The following ZNF540 variants were observed in gnomAD, a reference collection of about 807,000 sequenced individuals.
ZNF540 encodes CTD-3064H18.6.
ZNF540 carries 3 observed loss-of-function variants against 11.8 expected under a neutral mutation model. The observed-to-expected ratio is 0.25, with a 90% CI of 0.12 to 0.65. The LOEUF (loss-of-function observed/expected upper bound fraction) is 0.65. Ranked by LOEUF, ZNF540 falls within the 30% of genes least tolerant of loss-of-function variation. ZNF540 has a pLI of 0.83. For missense variants in ZNF540, 709 were observed against 793.1 expected, an observed-to-expected ratio of 0.89 and a Z score of 1.27; for synonymous variants, 247 against 259.0, an observed-to-expected ratio of 0.95 and a Z score of 0.45.
At chr19:37,565,698 C>T in intron 1 of ZNF540, 2 of 1,613,798 alleles carry the variant, frequency 1.2e-6, no homozygotes, top group Non-Finnish European at 1.7e-6. Flanking sequence ...CCTGTATGAA[C>T]TCTCTGATGT....
intron 1 of ZNF540, among the ~76,000 whole-genome samples, chr19:37,558,247 CAA>C (rs1400738234): frequency 1.3e-5 from 2 of 152,148 alleles, no homozygotes; most frequent in Admixed American, 1.3e-4. Flanking sequence ...TTTTGTTTTT[CAA>C]ACTCTTGGTT....
upstream of ZNF540, among the ~76,000 whole-genome samples, chr19:37,591,037 C>CT (rs2043854241): frequency 6.6e-6 from 1 of 152,124 alleles, no homozygotes; most frequent in African/African-American, 2.4e-5. Flanking sequence ...AGAAAATACT[C>CT]TGTAATTTGT....
intron 1 of ZNF540, among the ~76,000 whole-genome samples, chr19:37,574,300 T>C (rs922876117): frequency 6.6e-6 from 1 of 152,186 alleles, no homozygotes. Flanking sequence ...CTGTCTATAG[T>C]ACTCAAATTA....
chr19:37,586,559 G>T, intron 1 of ZNF540: 1 of 1,254,438 alleles, frequency 8.0e-7, no homozygotes, highest in Non-Finnish European at 1.2e-6. Context: ...ACGTTTGGAA[G>T]CAGTTCCCTT....
intron 1 of ZNF540, among the ~76,000 whole-genome samples, chr19:37,582,051 A>G (rs529125260): frequency 6.6e-6 from 1 of 152,256 alleles, no homozygotes; most frequent in South Asian, 2.1e-4. Flanking sequence ...TCCCCTAATT[A>G]TTACAGTGTT....
At chr19:37,582,265 C>T (rs1318567989) in intron 1 of ZNF540, among the ~76,000 whole-genome samples, 1 of 152,204 alleles carries the variant, frequency 6.6e-6, no homozygotes, top group Non-Finnish European at 1.5e-5. Context: ...GGGTCACCAA[C>T]ACCCTTCATC....
chr19:37,610,789 C>G (rs1418408008), intron 4 of ZNF540, among the ~76,000 whole-genome samples: 1 of 152,016 alleles, frequency 6.6e-6, no homozygotes, highest in East Asian at 1.9e-4. Context: ...TAAAGAAAAA[C>G]TGTTAAAATT....
At chr19:37,591,787 G>A (rs1431541683), upstream of ZNF540, among the ~76,000 whole-genome samples, 1 of 151,846 alleles carries the variant, frequency 6.6e-6, no homozygotes, top group Non-Finnish European at 1.5e-5. Flanking sequence ...CAGGTGATTC[G>A]CCTGCCTCGG....
chr19:37,581,490 T>C (rs1431741363), intron 1 of ZNF540, among the ~76,000 whole-genome samples: 1 of 148,458 alleles, frequency 6.7e-6, no homozygotes, highest in East Asian at 2.0e-4. Context: ...TTTGGAGACA[T>C]GGTCTTGCTC....
At chr19:37,586,487 G>A in intron 1 of ZNF540, 1 of 656,840 alleles carries the variant, frequency 1.5e-6, no homozygotes, top group South Asian at 1.9e-5. Context: ...AAACTGTTTG[G>A]AGAGGGGAAA....
At position 37,567,931 on chromosome 19, in the gene ZNF540, TAATA is replaced by T. The variant is rs2042918655; in HGVS notation, c.-73+16267_-73+16270del. Reference sequence around the variant, plus strand: ...GTATACATATAATGTTTTATTCCTTTAATATAGTTTTTCATGTCTTACTTTCCAA... The same window carrying T: ...GTATACATATAATGTTTTATTCCTTTTAGTTTTTCATGTCTTACTTTCCAA... On this transcript the variant is annotated intron_variant, in intron 1 of 4. Transcript: ENST00000592533. Among the ~76,000 whole-genome samples the T allele has an allele frequency of 2.6e-5, 4 of 152,232 alleles. No individual in the cohort carries two copies. In the South Asian group the frequency reaches 8.3e-4, roughly 32 times the overall value.
chr19:37,590,298 T>A (rs1189642000), upstream of ZNF540, among the ~76,000 whole-genome samples: 2 of 151,938 alleles, frequency 1.3e-5, no homozygotes, highest in Non-Finnish European at 2.9e-5. Context: ...GCACCTGTAG[T>A]CCCAGCTACT....
At chr19:37,596,452 C>A (rs1219516799) in intron 1 of ZNF540, among the ~76,000 whole-genome samples, 1 of 152,114 alleles carries the variant, frequency 6.6e-6, no homozygotes, top group Admixed American at 6.5e-5. Flanking sequence ...TTATGTGGTT[C>A]TTTGCAGGAA....
chr19:37,556,558 C>T (rs2042661779), intron 1 of ZNF540, among the ~76,000 whole-genome samples: 1 of 152,204 alleles, frequency 6.6e-6, no homozygotes, highest in Non-Finnish European at 1.5e-5. Context: ...TTAACAAACA[C>T]TAGGTCTCCT....
chr19:37,566,427 T>C, intron 1 of ZNF540: 3 of 1,035,088 alleles, frequency 2.9e-6, no homozygotes, highest in East Asian at 2.6e-5. Flanking sequence ...TTTTCTGCCA[T>C]TTTTCTTTAA....
At chr19:37,553,572 T>C (rs2042630608) in intron 1 of ZNF540, among the ~76,000 whole-genome samples, 1 of 152,210 alleles carries the variant, frequency 6.6e-6, no homozygotes, top group South Asian at 2.1e-4. Flanking sequence ...ATTTTCTGCC[T>C]ATTTTTGTAT....
chr19:37,592,454 G>T (rs1241352334), upstream of ZNF540, among the ~76,000 whole-genome samples: 2 of 152,062 alleles, frequency 1.3e-5, no homozygotes, highest in Non-Finnish European at 2.9e-5. Flanking sequence ...GCCCTTTGGA[G>T]GACCACAGAT....
Position 37,613,643 on chromosome 19 carries a change from T to C in ZNF540, c.*380T>C, listed in dbSNP as rs114557023. 2.9e-3 allele frequency: 1,148 copies of C among 397,502 alleles called. 11 individuals are homozygous for C. Among genetic ancestry groups the C allele is most frequent in the African/African-American group, 0.021 (1,027 of 48,722 alleles). 24.6% of individuals were successfully genotyped at this position (397,502 alleles called of 1,614,324 possible). A position where few individuals can be genotyped will look rare whatever the true frequency, so the allele number is the denominator to read the frequency against. ...ACTATCTGGCCCAAACTGCTTTGGA[T>C]TAATATTGGATATTACTGTTTTTAT... On this transcript the variant is annotated 3_prime_UTR_variant, in exon 5 of 5. Transcript: ENST00000316433.
At chr19:37,600,928 T>C (rs2044034228) in intron 3 of ZNF540, 82 bp from the exon 4 acceptor site, 2 of 1,197,416 alleles carry the variant, frequency 1.7e-6, no homozygotes, top group Admixed American at 2.1e-5. Context: ...TTGATCCATA[T>C]AAATTTAACC....
Sources: allele counts gnomAD v4.1 joint callset (sites outside exome capture counted in the v4.1 genomes callset), GRCh38; gene constraint gnomAD v4.1.1; transcripts MANE v1.5; gene names NCBI Gene and HGNC (gene_info 2026-07-23, HGNC 2026-07-21).